The following APC variants were observed in gnomAD, a reference collection of about 807,000 sequenced individuals.
APC encodes adenomatous polyposis coli protein.
APC carries 72 observed loss-of-function variants against 247.0 expected under a neutral mutation model. That is an observed-to-expected ratio of 0.29 (90% CI 0.24 to 0.35). The LOEUF is 0.35. APC is among the 10% of genes least tolerant of loss of function. The pLI is 1.00. For synonymous variants in APC, 1,254 were observed against 1,162.5 expected, an observed-to-expected ratio of 1.08 and a Z score of -1.60; for missense variants, 3,400 against 3,360.7, an observed-to-expected ratio of 1.01 and a Z score of -0.29.
In APC at chr5:112,845,364, T is replaced by C. The variant is rs1022104969; in HGVS notation, c.*1238T>C. 7 of 232,738 alleles carry C rather than the reference T, an allele frequency of 3.0e-5. No individual in the cohort carries two copies. The highest frequency in any genetic ancestry group is 6.6e-5 in the African/African-American group (3 of 45,312). 14.4% of individuals were successfully genotyped at this position (232,738 alleles called of 1,614,324 possible). A position where few individuals can be genotyped will look rare whatever the true frequency, so the allele number is the denominator to read the frequency against. On this transcript the variant is annotated 3_prime_UTR_variant, in exon 16 of 16. Coordinates refer to ENST00000257430, the MANE Select transcript of APC (RefSeq NM_000038.6). ...CATAATTTCCTCTTTCTTAATATTA[T>C]AGAATTCTGTACTTGAAATTGATTC... is the stretch of plus-strand genomic sequence containing the variant.
At position 112,843,298 on chromosome 5, in the gene APC, A is replaced by G. The variant is rs35043160; in HGVS notation, c.7704A>G (p.Gly2568=). 8,478 of 1,612,880 alleles carry G rather than the reference A, an allele frequency of 5.3e-3. 404 individuals carry two copies. The African/African-American group carries it at 0.097, about 19-fold the overall frequency. Residue 2568 remains glycine, a synonymous_variant, in exon 16 of 16, where the codon GGA becomes GGG. Coordinates refer to ENST00000257430, the MANE Select transcript of APC (RefSeq NM_000038.6). The surrounding 1 kb of genome is among the most constrained non-coding windows in gnomAD (Gnocchi z 4.8). The part of the protein sequence containing the change: ...LPRVSTWRRT[G]SSSSILSASS... Reference sequence around the variant, plus strand: ...GAGTAAGCACTTGGAGAAGAACTGGAAGTTCATCTTCAATTCTTTCTGCTT... The same window carrying G: ...GAGTAAGCACTTGGAGAAGAACTGGGAGTTCATCTTCAATTCTTTCTGCTT...
chr5:112,829,048 A>C, intron 14 of APC, 76 bp downstream of exon 14: 1 of 1,006,024 alleles, frequency 9.9e-7, no homozygotes, highest in African/African-American at 1.6e-5. Flanking sequence ...TTTAGCCATG[A>C]GATTTCCTAA....
chr5:112,777,115 A>G (rs575003828), intron 5 of APC, among the ~76,000 whole-genome samples: 1 of 152,354 alleles, frequency 6.6e-6, no homozygotes, highest in East Asian at 1.9e-4. Flanking sequence ...TGTATGACTT[A>G]AGGAAATTTT....
At chr5:112,785,662 A>G (rs1035866052) in intron 6 of APC, among the ~76,000 whole-genome samples, 7 of 152,320 alleles carry the variant, frequency 4.6e-5, no homozygotes, top group African/African-American at 1.7e-4. Context: ...CAAATGATAG[A>G]GACTAGAAAG....
intron 6 of APC, among the ~76,000 whole-genome samples, chr5:112,786,596 C>T (rs1329972840): frequency 3.9e-5 from 6 of 152,220 alleles, no homozygotes; most frequent in African/African-American, 1.4e-4. Flanking sequence ...TCTATATTGC[C>T]ATAATTGATG....
upstream of APC, among the ~76,000 whole-genome samples, chr5:112,733,283 A>G (rs780145621): frequency 6.6e-6 from 1 of 152,190 alleles, no homozygotes; most frequent in Non-Finnish European, 1.5e-5. Context: ...GAATCTATGA[A>G]TATGTTAGGT....
Position 112,831,178 on chromosome 5 carries a change from G to A in APC, c.1743+2206G>A, listed in dbSNP as rs143486473. Among the ~76,000 whole-genome samples the A allele has an allele frequency of 8.2e-3, 1,238 of 151,736 alleles. 19 individuals carry two copies. Among genetic ancestry groups the A allele is most frequent in the African/African-American group, 0.028 (1,177 of 41,352 alleles). On this transcript the variant is annotated intron_variant, in intron 14 of 15. Transcript: ENST00000257430. ...GGCTGGAGTGCAGTGGCAGGATCTCGGCTAACTGCAACCTCCAACTCCCTG... is the reference window on the plus strand; with the variant it reads ...GGCTGGAGTGCAGTGGCAGGATCTCAGCTAACTGCAACCTCCAACTCCCTG...
At chr5:112,758,305 T>TTTTG (rs369690395) in intron 2 of APC, among the ~76,000 whole-genome samples, 1,573 of 141,656 alleles carry the variant, frequency 0.011, 27 homozygotes, top group African/African-American at 0.036. Flanking sequence ...AACTTGTTTT[T>TTTTG]TTTGTTTGTT....
In APC at chr5:112,801,152, T is replaced by C. The variant is rs1580453976; in HGVS notation, c.730-127T>C. 7.3e-6 allele frequency: 5 copies of C among 681,388 alleles called. No homozygotes were observed. In the Admixed American group the frequency reaches 9.3e-5, roughly 13 times the overall value. The allele number at this position is 681,388 out of a possible 1,614,324, so 42.2% of individuals were successfully genotyped here. A position where few individuals can be genotyped will look rare whatever the true frequency, so the allele number is the denominator to read the frequency against. ...GGAGGTTATGAAGTGTAATACACAG[T>C]TCCATGCCTTTATCAGTCTGTATAA... On this transcript the variant is annotated intron_variant, in intron 7 of 15. Coordinates refer to ENST00000257430, the MANE Select transcript of APC (RefSeq NM_000038.6).
chr5:112,766,571 TA>T (rs1458732112), intron 3 of APC, among the ~76,000 whole-genome samples, 161 bp downstream of exon 3: 2 of 152,178 alleles, frequency 1.3e-5, no homozygotes, highest in African/African-American at 4.8e-5. Flanking sequence ...TACAAATAAA[TA>T]AAAAATGTAT....
chr5:112,717,322 C>A (rs1390970467), intron 1 of APC, among the ~76,000 whole-genome samples: 3 of 152,120 alleles, frequency 2.0e-5, no homozygotes, highest in Non-Finnish European at 4.4e-5. Flanking sequence ...CATTTTAATT[C>A]ATTCTTATTT....
chr5:112,787,689 C>T (rs1478606796), intron 6 of APC, among the ~76,000 whole-genome samples: 6 of 152,038 alleles, frequency 3.9e-5, no homozygotes, highest in African/African-American at 1.4e-4. Flanking sequence ...CTCTTGATAC[C>T]AATCCTTTGT....
intron 1 of APC, among the ~76,000 whole-genome samples, chr5:112,743,881 T>G (rs528828268): frequency 6.6e-6 from 1 of 152,142 alleles, no homozygotes; most frequent in South Asian, 2.1e-4. Context: ...TTTTGGTGTT[T>G]TTTTGTTTGT....
chr5:112,770,602 C>T (rs188855591), intron 4 of APC, among the ~76,000 whole-genome samples: 2 of 152,042 alleles, frequency 1.3e-5, no homozygotes, highest in African/African-American at 4.8e-5. Flanking sequence ...TCTCACTGAT[C>T]ATTAGTATCA....
Position 112,841,506 on chromosome 5 carries a change from C to G in APC, c.5912C>G (p.Ser1971Cys), listed in dbSNP as rs754691867. The stretch of plus-strand genomic sequence containing the variant: ...TTTTCTCATAATTCCTCTCTGAGTT[C>G]TCTCAGTGACATTGACCAAGAAAAC... ...VCFSHNSSLS[S>C]LSDIDQENNN... Residue 1971 changes from serine to cysteine, a missense_variant, in exon 16 of 16, where the codon TCT (serine) becomes TGT (cysteine). Coordinates refer to ENST00000257430, the MANE Select transcript of APC (RefSeq NM_000038.6). This position sits in a 1 kb window ranked among gnomAD's most constrained non-coding sequence, Gnocchi z 4.6. 26 of 1,613,010 alleles carry G rather than the reference C, an allele frequency of 1.6e-5. No homozygotes were observed. In the East Asian group the frequency reaches 5.8e-4, roughly 36 times the overall value.
intron 2 of APC, among the ~76,000 whole-genome samples, chr5:112,757,578 A>G (rs971369225): frequency 6.6e-6 from 1 of 152,134 alleles, no homozygotes; most frequent in African/African-American, 2.4e-5. Flanking sequence ...GCAAAAAAAT[A>G]CAAAAATTAG....
chr5:112,807,278 G>T (rs1010008400), intron 8 of APC, among the ~76,000 whole-genome samples: 2 of 152,146 alleles, frequency 1.3e-5, no homozygotes, highest in African/African-American at 4.8e-5. Context: ...GTTTACTGTG[G>T]TAATTGTATT....
chr5:112,840,077 A>G lies in APC; in HGVS notation c.4483A>G (p.Ser1495Gly), dbSNP rs1580648712. The G allele has an allele frequency of 6.2e-7, 1 of 1,614,148 alleles. No homozygotes were observed. The highest frequency in any genetic ancestry group is 1.7e-5 in the Admixed American group (1 of 60,016). ...ADTLLHFATE[S>G]TPDGFSCSSS... The stretch of plus-strand genomic sequence containing the variant: ...TACTTTATTACATTTTGCCACGGAA[A>G]GTACTCCAGATGGATTTTCTTGTTC... Residue 1495 changes from serine to glycine, a missense_variant, in exon 16 of 16, where the codon AGT becomes GGT. By Grantham distance (56) the Ser-to-Gly change is moderately conservative (BLOSUM62 0). Transcript: ENST00000257430. The surrounding 1 kb of genome is among the most constrained non-coding windows in gnomAD (Gnocchi z 4.1).
At chr5:112,833,029 GT>G (rs35025567) in intron 14 of APC, among the ~76,000 whole-genome samples, 80,154 of 145,912 alleles carry the variant, frequency 0.55, 22,025 homozygotes, top group East Asian at 0.81. Flanking sequence ...TTGGGTTTGG[GT>G]TTTTTTTTTT....
Sources: gnomAD v4.1 joint callset for allele counts (sites outside exome capture counted in the v4.1 genomes callset) on GRCh38, gnomAD v4.1.1 for gene constraint, Gnocchi (gnomAD v3.1) non-coding constraint, MANE v1.5 for transcripts, NCBI Gene and HGNC (gene_info 2026-07-23, HGNC 2026-07-21) for gene names.